The following GCSAML variants were observed in gnomAD, a reference collection of about 807,000 sequenced individuals.
GCSAML encodes the protein germinal center associated signaling and motility like.
GCSAML carries 9 observed loss-of-function variants against 13.0 expected under a neutral mutation model. The ratio of observed to expected loss-of-function variants is 0.69; its 90% CI spans 0.42 to 1.21. The LOEUF is 1.21. Among genes scored for constraint, GCSAML ranks in the 50% most tolerant of loss-of-function variants. GCSAML has a pLI of 0.00. For missense variants in GCSAML, 143 were observed against 153.4 expected, an observed-to-expected ratio of 0.93 and a Z score of 0.36; for synonymous variants, 37 against 52.9, an observed-to-expected ratio of 0.70 and a Z score of 1.31.
At chr1:247,560,427 C>T (rs1309852947) in intron 2 of GCSAML, among the ~76,000 whole-genome samples, 1 of 152,146 alleles carries the variant, frequency 6.6e-6, no homozygotes. Flanking sequence ...ACTTAGTGAA[C>T]GTAATTCCAC....
intron 2 of GCSAML, chr1:247,531,613 C>A: frequency 6.2e-7 from 1 of 1,614,156 alleles, no homozygotes; most frequent in Non-Finnish European, 8.5e-7. Flanking sequence ...CCGGAGGGCG[C>A]TCTTCACCTC....
chr1:247,535,260 A>G (rs771099427), intron 2 of GCSAML, among the ~76,000 whole-genome samples: 12 of 152,184 alleles, frequency 7.9e-5, no homozygotes, highest in Non-Finnish European at 1.8e-4. Flanking sequence ...GGCTGTAATG[A>G]GGCATGATTG....
intron 2 of GCSAML, chr1:247,530,080 G>T (rs1666857326): frequency 6.6e-6 from 1 of 151,212 alleles, no homozygotes; most frequent in African/African-American, 2.4e-5. Flanking sequence ...CATATTTTTG[G>T]TTCTGTTTCT....
chr1:247,562,994 C>A (rs539620271), intron 2 of GCSAML, among the ~76,000 whole-genome samples: 3 of 147,210 alleles, frequency 2.0e-5, no homozygotes, highest in Non-Finnish European at 4.5e-5. Context: ...TGCATGCCAC[C>A]GTACCCAGCT....
intron 2 of GCSAML, among the ~76,000 whole-genome samples, chr1:247,539,071 TG>T: frequency 1.3e-5 from 2 of 152,256 alleles, no homozygotes; most frequent in Middle Eastern, 3.4e-3. Flanking sequence ...ATGAGTTTTG[TG>T]GCAGAGAATG....
upstream of GCSAML, among the ~76,000 whole-genome samples, chr1:247,544,205 A>G (rs899177570): frequency 6.6e-6 from 1 of 152,218 alleles, no homozygotes; most frequent in African/African-American, 2.4e-5. Flanking sequence ...TTGGAAGGAC[A>G]GAATTAGGCC....
At chr1:247,512,458 TCC>T (rs1332793366) in intron 1 of GCSAML, among the ~76,000 whole-genome samples, 1 of 152,038 alleles carries the variant, frequency 6.6e-6, no homozygotes, top group Non-Finnish European at 1.5e-5. Flanking sequence ...TAGAACATGC[TCC>T]TTTAGCTCAG....
chr1:247,569,556 C>T (rs1037958578), intron 4 of GCSAML, among the ~76,000 whole-genome samples: 7 of 152,086 alleles, frequency 4.6e-5, no homozygotes, highest in South Asian at 2.1e-4. Context: ...GGGATGGAGC[C>T]GACTTGATCG....
chr1:247,540,456 T>G, intron 2 of GCSAML, among the ~76,000 whole-genome samples: 1 of 152,252 alleles, frequency 6.6e-6, no homozygotes, highest in East Asian at 1.9e-4. Context: ...ACTTCTGCTC[T>G]ATTTCTCTCC....
chr1:247,544,469 A>G (rs1667504807), upstream of GCSAML, among the ~76,000 whole-genome samples: 1 of 152,190 alleles, frequency 6.6e-6, no homozygotes, highest in Non-Finnish European at 1.5e-5. Flanking sequence ...GAAACCTTCC[A>G]TTTAGATTTG....
At chr1:247,567,783 T>A (rs1668444342) in intron 4 of GCSAML, among the ~76,000 whole-genome samples, 1 of 152,154 alleles carries the variant, frequency 6.6e-6, no homozygotes, top group South Asian at 2.1e-4. Context: ...AACTAGTTTA[T>A]ACTCCCACCA....
intron 1 of GCSAML, among the ~76,000 whole-genome samples, chr1:247,520,971 C>T (rs12751242): frequency 0.14 from 20,733 of 152,218 alleles, 1,565 homozygotes; most frequent in South Asian, 0.24. Flanking sequence ...TATGCTTAGC[C>T]TGGTGTGTAC....
chr1:247,543,265 T>G (rs1231300644), intron 2 of GCSAML, among the ~76,000 whole-genome samples: 1 of 152,238 alleles, frequency 6.6e-6, no homozygotes, highest in Non-Finnish European at 1.5e-5. Context: ...TATTAGTATT[T>G]ATTGTTATGG....
chr1:247,516,262 G>C (rs1666206634), intron 1 of GCSAML, among the ~76,000 whole-genome samples: 1 of 152,218 alleles, frequency 6.6e-6, no homozygotes, highest in South Asian at 2.1e-4. Context: ...AAGACAATTT[G>C]TAATACTGTG....
At chr1:247,549,913 G>A (rs1488730165) in intron 1 of GCSAML, among the ~76,000 whole-genome samples, 2 of 152,066 alleles carry the variant, frequency 1.3e-5, no homozygotes, top group South Asian at 2.1e-4. Context: ...TCCTCTGTCC[G>A]CTCTCCCAGT....
At chr1:247,549,279 C>A (rs1463297978) in intron 1 of GCSAML, 59 bp downstream of exon 1, 29 of 1,419,166 alleles carry the variant, frequency 2.0e-5, no homozygotes, top group Non-Finnish European at 2.8e-5. Context: ...GATAAGGAGG[C>A]TGGACATAAC....
At chr1:247,518,843 AGCCGGGCTAGTG>A (rs1455105394) in intron 1 of GCSAML, among the ~76,000 whole-genome samples, 2 of 152,152 alleles carry the variant, frequency 1.3e-5, no homozygotes, top group African/African-American at 4.8e-5. Flanking sequence ...GTAAAAAATT[AGCCGGGCTAGTG>A]GCGCCTGCCT....
chr1:247,561,641 T>G (rs1446980579), intron 2 of GCSAML, among the ~76,000 whole-genome samples: 5 of 152,234 alleles, frequency 3.3e-5, no homozygotes, highest in Admixed American at 2.0e-4. Context: ...CTTCTCCATT[T>G]ATTATTGTTA....
chr1:247,529,245 C>T (rs151177793), intron 2 of GCSAML: 1 of 152,320 alleles, frequency 6.6e-6, no homozygotes, highest in African/African-American at 2.4e-5. Context: ...AAGCCTTAAT[C>T]ATCACCATGG....
Sources: allele counts gnomAD v4.1 joint callset (sites outside exome capture counted in the v4.1 genomes callset), GRCh38; gene constraint gnomAD v4.1.1; transcripts MANE v1.5; gene names NCBI Gene and HGNC (gene_info 2026-07-23, HGNC 2026-07-21).